Variants in PDE4B observed in about 807,000 individuals in gnomAD.
PDE4B encodes 3',5'-cyclic-AMP phosphodiesterase 4B.
In PDE4B, 20 loss-of-function variants were observed where a neutral mutation model predicts 82.2. The observed-to-expected ratio is 0.24, with a 90% CI of 0.17 to 0.35. The LOEUF (loss-of-function observed/expected upper bound fraction) is 0.35. Among genes scored for constraint, PDE4B ranks in the 10% least tolerant of loss-of-function variants. The pLI, the probability that PDE4B is intolerant of heterozygous loss-of-function variation, is 1.00. For missense variants in PDE4B, 655 were observed against 907.2 expected, an observed-to-expected ratio of 0.72 and a Z score of 3.57; for synonymous variants, 320 against 318.9, an observed-to-expected ratio of 1.00 and a Z score of -0.04.
chr1:65,793,924 A>G (rs1033432312), intron 1 of PDE4B, among the ~76,000 whole-genome samples: 2 of 151,916 alleles, frequency 1.3e-5, no homozygotes, highest in Non-Finnish European at 2.9e-5. Flanking sequence ...CCCGTTTTTC[A>G]CAGGCCACCT....
intron 3 of PDE4B, among the ~76,000 whole-genome samples, chr1:66,012,940 A>G (rs1213720710): frequency 2.6e-5 from 4 of 152,098 alleles, no homozygotes; most frequent in Non-Finnish European, 5.9e-5. Context: ...CTTTATGAAT[A>G]CGGTACTATT....
intron 1 of PDE4B, among the ~76,000 whole-genome samples, chr1:65,870,504 A>G (rs1646560621): frequency 6.6e-6 from 1 of 152,196 alleles, no homozygotes; most frequent in Admixed American, 6.5e-5. Context: ...GGTTTTTTTG[A>G]GGTCTCATTG....
intron 3 of PDE4B, among the ~76,000 whole-genome samples, chr1:66,101,981 C>T (rs1190126193): frequency 6.6e-6 from 1 of 152,152 alleles, no homozygotes; most frequent in Admixed American, 6.6e-5. Context: ...ACATTTAAGT[C>T]TTTAATCCAT....
chr1:66,158,227 A>T (rs1412244860), intron 3 of PDE4B, among the ~76,000 whole-genome samples: 2 of 152,230 alleles, frequency 1.3e-5, no homozygotes, highest in African/African-American at 4.8e-5. Context: ...CACCAAACTT[A>T]AAAGCTACTG....
At chr1:66,117,953 C>T (rs1645630241) in intron 3 of PDE4B, among the ~76,000 whole-genome samples, 1 of 152,164 alleles carries the variant, frequency 6.6e-6, no homozygotes, top group Non-Finnish European at 1.5e-5. Flanking sequence ...CCTATTTCTC[C>T]ACATCCTCTC....
intron 3 of PDE4B, among the ~76,000 whole-genome samples, chr1:65,995,471 T>C (rs564794588): frequency 6.6e-6 from 1 of 152,322 alleles, no homozygotes; most frequent in African/African-American, 2.4e-5. Context: ...TGCTTTCCCC[T>C]TGCTTCGCCT....
chr1:66,326,845 A>G (rs1265365070), intron 7 of PDE4B, among the ~76,000 whole-genome samples: 1 of 152,188 alleles, frequency 6.6e-6, no homozygotes, highest in African/African-American at 2.4e-5. Flanking sequence ...TTTTCCTCTC[A>G]GCCTCAGTTT....
intron 3 of PDE4B, among the ~76,000 whole-genome samples, chr1:66,129,565 C>T (rs1354339300): frequency 6.8e-6 from 1 of 147,968 alleles, no homozygotes; most frequent in Non-Finnish European, 1.5e-5. Context: ...GAGGCTGAGG[C>T]AGGAGAATGG....
chr1:66,093,729 A>T (rs1215710786), intron 3 of PDE4B, among the ~76,000 whole-genome samples: 1 of 152,092 alleles, frequency 6.6e-6, no homozygotes, highest in African/African-American at 2.4e-5. Flanking sequence ...AAGAAACTTT[A>T]TTAAGTTATC....
chr1:65,913,357 G>A lies in PDE4B; in HGVS notation c.42+1G>A, dbSNP rs760598486. Reference sequence around the variant, plus strand: ...TGTGATGACGGTGATGGCTGATGATGTAAGTTTCAAAAGGTCCCAATCATG... The same window carrying A: ...TGTGATGACGGTGATGGCTGATGATATAAGTTTCAAAAGGTCCCAATCATG... On this transcript the variant is annotated splice_donor_variant, in intron 2 of 16. Coordinates refer to ENST00000341517, the MANE Select transcript of PDE4B (RefSeq NM_002600.4). LOFTEE classifies it high-confidence loss of function. The A allele has an allele frequency of 1.2e-6, 2 of 1,613,440 alleles. No individual in the cohort carries two copies. The highest frequency in any genetic ancestry group is 1.7e-6 in the Non-Finnish European group (2 of 1,179,468).
At chr1:66,292,721 CTTA>C (rs1657177463) in intron 7 of PDE4B, among the ~76,000 whole-genome samples, 1 of 152,118 alleles carries the variant, frequency 6.6e-6, no homozygotes, top group African/African-American at 2.4e-5. Context: ...GTACACTGTT[CTTA>C]TTGTTTTAAC....
chr1:65,865,191 G>A lies in PDE4B; in HGVS notation c.-70-48054G>A, dbSNP rs1432166159. Among the ~76,000 whole-genome samples the A allele has an allele frequency of 3.3e-5, 5 of 152,118 alleles. No homozygotes were observed. The South Asian group carries it at 6.2e-4, about 19-fold the overall frequency. On this transcript the variant is annotated intron_variant, in intron 1 of 16. Coordinates refer to ENST00000341517, the MANE Select transcript of PDE4B (RefSeq NM_002600.4). ...TCCTTAGCACTGTCAGGGGAAAACC[G>A]CCTACTCAAGCCTCAGTAATGGCGG...
At chr1:66,247,676 CT>C (rs1557658312) in intron 4 of PDE4B, 22 bp downstream of exon 4, 1 of 1,521,236 alleles carries the variant, frequency 6.6e-7, no homozygotes, top group Non-Finnish European at 8.9e-7. Context: ...CTCTGTCTGG[CT>C]TCCAGTTTCA....
intron 7 of PDE4B, among the ~76,000 whole-genome samples, chr1:66,301,528 G>A (rs905004523): frequency 2.6e-5 from 4 of 151,422 alleles, no homozygotes; most frequent in South Asian, 2.1e-4. Flanking sequence ...AAGCAGGGGC[G>A]AGACCACCAG....
At chr1:65,792,788 C>T (rs1482353568), upstream of PDE4B, among the ~76,000 whole-genome samples, 1 of 151,798 alleles carries the variant, frequency 6.6e-6, no homozygotes, top group Non-Finnish European at 1.5e-5. Context: ...ATTGTTATTC[C>T]CCGCACCCGG....
chr1:66,313,477 C>T (rs934444858), intron 7 of PDE4B, among the ~76,000 whole-genome samples: 17 of 152,222 alleles, frequency 1.1e-4, no homozygotes, highest in Admixed American at 7.2e-4. Context: ...TTCTCCTGGC[C>T]TCAGTCTCAT....
Position 65,798,889 on chromosome 1 carries a change from G to A in PDE4B, c.-71+5641G>A, listed in dbSNP as rs189660913. Among the ~76,000 whole-genome samples, 183 of 152,048 alleles carry A rather than the reference G, an allele frequency of 1.2e-3. 1 individual carries two copies. The highest frequency in any genetic ancestry group is 2.1e-3 in the Non-Finnish European group (146 of 67,980). On this transcript the variant is annotated intron_variant, in intron 1 of 16. Transcript: ENST00000341517. ...TAAGACAAAAATCTTGGTATGTGAC[G>A]TTTACTCTATGGAACATTTTTTTTT...
intron 1 of PDE4B, among the ~76,000 whole-genome samples, chr1:65,819,898 A>G (rs896569351): frequency 6.6e-6 from 1 of 152,208 alleles, no homozygotes; most frequent in African/African-American, 2.4e-5. Context: ...GGATTCCACC[A>G]ATGTATAGCT....
chr1:65,936,364 G>A (rs571589222), intron 3 of PDE4B, among the ~76,000 whole-genome samples: 1 of 152,226 alleles, frequency 6.6e-6, no homozygotes, highest in African/African-American at 2.4e-5. Context: ...ACCACCACAA[G>A]CACGTGAGTA....
Sources: allele counts gnomAD v4.1 joint callset (sites outside exome capture counted in the v4.1 genomes callset), GRCh38; gene constraint gnomAD v4.1.1; transcripts MANE v1.5; gene names NCBI Gene and HGNC (gene_info 2026-07-23, HGNC 2026-07-21).